JCAD: variants seen among roughly 807,000 people sequenced by gnomAD.
JCAD encodes the protein junctional cadherin 5-associated protein.
A neutral mutation model predicts 98.0 loss-of-function variants in JCAD; 40 were observed. The ratio of observed to expected loss-of-function variants is 0.41; its 90% confidence interval spans 0.32 to 0.53. JCAD has a LOEUF of 0.53. Ranked by LOEUF, JCAD falls within the 20% of genes least tolerant of loss-of-function variation. The pLI is 0.31. For synonymous variants in JCAD, 691 were observed against 682.3 expected (o/e 1.01, Z -0.20); for missense variants, 1,705 against 1,738.1 (o/e 0.98, Z 0.34).
intron 3 of JCAD, among the ~76,000 whole-genome samples, chr10:30,018,727 A>G (rs1463579124): frequency 1.3e-5 from 2 of 152,186 alleles, no homozygotes; most frequent in Non-Finnish European, 2.9e-5. Flanking sequence ...GACAAACCTA[A>G]GGCTCACACG....
At position 30,082,775 on chromosome 10, in the gene JCAD, T is replaced by C. The variant is rs185628429; in HGVS notation, n.129-12954A>G. The stretch of plus-strand genomic sequence containing the variant: ...CTGAGGCAGGAGAATTGCTTGAACC[T>C]GGGATGTGGAGGTTGCGGTGAGCCA... On this transcript the variant is annotated intron_variant and non_coding_transcript_variant, in intron 1 of 2. Coordinates refer to the JCAD transcript ENST00000465712. Among the ~76,000 whole-genome samples the C allele has an allele frequency of 2.8e-3, 398 of 141,196 alleles. 4 individuals are homozygous for C. Among genetic ancestry groups the C allele is most frequent in the African/African-American group, 9.7e-3 (370 of 38,138 alleles). The allele number at this position is 141,196 out of a possible 152,430, so 92.6% of individuals were successfully genotyped here.
chr10:30,047,517 C>T lies in JCAD; in HGVS notation c.281+15G>A, dbSNP rs766667915. The T allele has an allele frequency of 6.2e-7, 1 of 1,604,262 alleles. No homozygotes were observed. The highest frequency in any genetic ancestry group is 8.5e-7 in the Non-Finnish European group (1 of 1,176,140). On this transcript the variant is annotated intron_variant, in intron 2 of 3. Coordinates refer to ENST00000375377, the MANE Select transcript of JCAD (RefSeq NM_020848.4). The stretch of plus-strand genomic sequence containing the variant: ...CTGAGTCAAAAGAAAACGGTGGGTT[C>T]ACAGTGAAACTTACCCCGCCTCCGA...
At chr10:30,061,210 G>A (rs141915204), upstream of JCAD, among the ~76,000 whole-genome samples, 111 of 152,278 alleles carry the variant, frequency 7.3e-4, 1 homozygote, top group Non-Finnish European at 1.0e-3. Context: ...TCAATGAGAT[G>A]ATGCCTTCTT....
chr10:30,017,779 C>T lies in JCAD; in HGVS notation c.*104G>A. ...TGTTATCAGGATGCTAAAAACTCAG[C>T]AGCTTCCAGCTTCTACATGGGGAAG... On this transcript the variant is annotated 3_prime_UTR_variant, in exon 4 of 4. Coordinates refer to ENST00000375377, the MANE Select transcript of JCAD (RefSeq NM_020848.4). 1 of 1,041,824 alleles carries T rather than the reference C, an allele frequency of 9.6e-7. No homozygotes were observed. 64.5% of individuals were successfully genotyped at this position (1,041,824 alleles called of 1,614,324 possible).
chr10:30,087,975 G>A (rs1035515597), intron 1 of JCAD, among the ~76,000 whole-genome samples: 1 of 152,280 alleles, frequency 6.6e-6, no homozygotes, highest in East Asian at 1.9e-4. Flanking sequence ...AGAGTAGCTG[G>A]GACTACAGGC....
chr10:30,069,359 A>G (rs987832257), intron 2 of JCAD, among the ~76,000 whole-genome samples: 2 of 148,252 alleles, frequency 1.3e-5, no homozygotes, highest in Admixed American at 6.9e-5. Flanking sequence ...ACATTTTGGG[A>G]GGATGAGGCA....
chr10:30,020,320 C>T (rs1042942505), intron 3 of JCAD, among the ~76,000 whole-genome samples: 12 of 110,170 alleles, frequency 1.1e-4, no homozygotes, highest in African/African-American at 3.4e-4. Context: ...GAGTGAGACT[C>T]GGTCTCAAAA....
At chr10:30,114,860 A>AGATGATG in intron 1 of JCAD, among the ~76,000 whole-genome samples, 1 of 147,768 alleles carries the variant, frequency 6.8e-6, no homozygotes, top group Non-Finnish European at 1.5e-5. Flanking sequence ...GATAGATGAT[A>AGATGATG]GATACATAAT....
chr10:30,101,568 A>G (rs1588655457), intron 1 of JCAD, among the ~76,000 whole-genome samples: 1 of 151,878 alleles, frequency 6.6e-6, no homozygotes, highest in Non-Finnish European at 1.5e-5. Context: ...GGGTCTCACT[A>G]TGTTGGCCAG....
At chr10:30,035,234 C>CA (rs1837084677) in intron 2 of JCAD, among the ~76,000 whole-genome samples, 1 of 152,126 alleles carries the variant, frequency 6.6e-6, no homozygotes, top group South Asian at 2.1e-4. Flanking sequence ...CTTCTCCACC[C>CA]AAAAATGTTA....
intron 1 of JCAD, among the ~76,000 whole-genome samples, chr10:30,104,122 C>T (rs1047454705): frequency 6.6e-6 from 1 of 152,114 alleles, no homozygotes; most frequent in African/African-American, 2.4e-5. Context: ...GGCCTGGGGG[C>T]ATGTGGCTCA....
chr10:30,070,732 G>T (rs148484419), intron 1 of JCAD, among the ~76,000 whole-genome samples: 1 of 152,232 alleles, frequency 6.6e-6, no homozygotes, highest in Non-Finnish European at 1.5e-5. Context: ...TGGAACAAAC[G>T]CTATTCAGAA....
intron 2 of JCAD, among the ~76,000 whole-genome samples, chr10:30,069,446 CAA>C (rs35069678): frequency 0.014 from 1,450 of 105,458 alleles, 20 homozygotes; most frequent in African/African-American, 0.035. Context: ...AGAAAATTTA[CAA>C]AAAAAAAAAA....
chr10:30,058,364 C>A (rs1837623566), intron 1 of JCAD, among the ~76,000 whole-genome samples: 1 of 151,884 alleles, frequency 6.6e-6, no homozygotes, highest in African/African-American at 2.4e-5. Flanking sequence ...GGGTGGAGTG[C>A]GTGCGGGGGT....
upstream of JCAD, among the ~76,000 whole-genome samples, chr10:30,062,912 G>A (rs1315791628): frequency 6.6e-6 from 1 of 152,158 alleles, no homozygotes; most frequent in Non-Finnish European, 1.5e-5. Context: ...TTGAAAAGAT[G>A]CATGAGTATG....
intron 1 of JCAD, among the ~76,000 whole-genome samples, chr10:30,099,505 T>C (rs983907452): frequency 3.3e-5 from 5 of 152,114 alleles, no homozygotes; most frequent in South Asian, 4.1e-4. Flanking sequence ...AAGCACTTAT[T>C]ATGTTCCAGG....
chr10:30,038,507 G>T (rs945448595), intron 2 of JCAD, among the ~76,000 whole-genome samples: 1 of 151,680 alleles, frequency 6.6e-6, no homozygotes, highest in African/African-American at 2.4e-5. Context: ...AACATAAGGA[G>T]ACCTAGTCTC....
At chr10:30,105,045 T>C (rs1180666036) in intron 1 of JCAD, among the ~76,000 whole-genome samples, 1 of 152,192 alleles carries the variant, frequency 6.6e-6, no homozygotes, top group Non-Finnish European at 1.5e-5. Flanking sequence ...GAAATGAGTT[T>C]GAAAGCTTGA....
At chr10:30,032,362 G>A (rs1837020959) in intron 2 of JCAD, among the ~76,000 whole-genome samples, 4 of 152,196 alleles carry the variant, frequency 2.6e-5, no homozygotes, top group Admixed American at 2.6e-4. Flanking sequence ...AGCATGCGGG[G>A]AGAGTTCAGA....
Sources: gnomAD v4.1 joint callset for allele counts (sites outside exome capture counted in the v4.1 genomes callset) on GRCh38, gnomAD v4.1.1 for gene constraint, MANE v1.5 for transcripts, NCBI Gene and HGNC (gene_info 2026-07-23, HGNC 2026-07-21) for gene names.